SCML4: variants seen among roughly 807,000 people sequenced by gnomAD.
SCML4 encodes the protein Scm polycomb group protein like 4.
A neutral mutation model predicts 41.1 loss-of-function variants in SCML4; 34 were observed. That is an observed-to-expected ratio of 0.83 (90% CI 0.63 to 1.10). The LOEUF is 1.10. Among genes scored for constraint, SCML4 ranks in the 50% least tolerant of loss-of-function variants. SCML4 has a pLI of 0.00. For synonymous variants in SCML4, 214 were observed against 220.9 expected (o/e 0.97, Z 0.28); for missense variants, 522 against 534.1 (o/e 0.98, Z 0.22).
Position 107,803,676 on chromosome 6 carries a change from T to C in SCML4, c.-60+20450A>G, listed in dbSNP as rs966986288. Among the ~76,000 whole-genome samples, 18 of 147,388 alleles carry C rather than the reference T, an allele frequency of 1.2e-4. 1 individual carries two copies. Among genetic ancestry groups the C allele is most frequent in the East Asian group, 4.0e-4 (2 of 5,024 alleles). Reference sequence around the variant, plus strand: ...ATGTCTGTGTAGAAAGAGGTAGACATGGGAGACTTTTCATTTTGTTCTGTA... The same window carrying C: ...ATGTCTGTGTAGAAAGAGGTAGACACGGGAGACTTTTCATTTTGTTCTGTA... On this transcript the variant is annotated intron_variant, in intron 1 of 7. Coordinates refer to ENST00000369020, the MANE Select transcript of SCML4 (RefSeq NM_198081.5).
chr6:107,726,318 G>C (rs1319297060), intron 5 of SCML4, among the ~76,000 whole-genome samples: 1 of 151,868 alleles, frequency 6.6e-6, no homozygotes, highest in East Asian at 1.9e-4. Context: ...TGGATCATGA[G>C]GTCAGGAGAT....
At chr6:107,807,336 TC>T (rs1445685750) in intron 1 of SCML4, among the ~76,000 whole-genome samples, 1 of 152,152 alleles carries the variant, frequency 6.6e-6, no homozygotes, top group African/African-American at 2.4e-5. Flanking sequence ...CCAGGCATCT[TC>T]CTCCTCTCCT....
the SCML4 span, among the ~76,000 whole-genome samples, chr6:107,834,880 G>T: frequency 6.6e-6 from 1 of 151,330 alleles, no homozygotes. Context: ...CAAGGCTGCA[G>T]TGAGCTGTGA....
intron 1 of SCML4, among the ~76,000 whole-genome samples, chr6:107,803,884 T>C (rs1276253584): frequency 6.6e-6 from 1 of 151,266 alleles, no homozygotes; most frequent in African/African-American, 2.4e-5. Context: ...CACTCCCTAA[T>C]CTCAAGTACC....
At position 107,772,208 on chromosome 6, in the gene SCML4, C is replaced by T; in HGVS notation, c.120G>A (p.Lys40=). The T allele has an allele frequency of 6.4e-7, 1 of 1,551,406 alleles. No homozygotes were observed. The highest frequency in any genetic ancestry group is 1.2e-5 in the South Asian group (1 of 84,014). The part of the protein sequence containing the change: ...SASAGSLPAV[K]IPKKRGRKPG... ...GTTTCCGCCCTCTTTTCTTTGGGATCTTCACTGCTGGTAAAGAGCCAGCTG... is the reference window on the plus strand; with the variant it reads ...GTTTCCGCCCTCTTTTCTTTGGGATTTTCACTGCTGGTAAAGAGCCAGCTG... The change falls in exon 2 of 8, where the codon AAG becomes AAA. Residue 40 remains lysine, a synonymous_variant. Coordinates refer to ENST00000369020, the MANE Select transcript of SCML4 (RefSeq NM_198081.5).
At chr6:107,766,173 C>A (rs1332948238) in intron 2 of SCML4, among the ~76,000 whole-genome samples, 4 of 152,056 alleles carry the variant, frequency 2.6e-5, no homozygotes, top group Non-Finnish European at 5.9e-5. Flanking sequence ...AGTTCAAGAC[C>A]AGGCTGGTCA....
intron 2 of SCML4, among the ~76,000 whole-genome samples, chr6:107,753,909 A>G (rs1297700501): frequency 6.6e-6 from 1 of 152,180 alleles, no homozygotes; most frequent in South Asian, 2.1e-4. Context: ...AAAGGTTTGA[A>G]TGCTGGGGTG....
At chr6:107,840,746 C>T in the SCML4 span, among the ~76,000 whole-genome samples, 2 of 152,178 alleles carry the variant, frequency 1.3e-5, no homozygotes, top group South Asian at 2.1e-4. Context: ...TCACCAAAGT[C>T]CCATGGAGGT....
At chr6:107,825,681 C>T (rs976028932), upstream of SCML4, among the ~76,000 whole-genome samples, 1 of 152,114 alleles carries the variant, frequency 6.6e-6, no homozygotes, top group Non-Finnish European at 1.5e-5. Flanking sequence ...TGGCTCATGC[C>T]TGTAATCCCA....
chr6:107,770,099 A>T lies in SCML4; in HGVS notation c.156+2073T>A, dbSNP rs532947953. Reference sequence around the variant, plus strand: ...ACAATTTCTGAGCTGGCTTCTTCACAATTAAAGTCCTGTCATTAATGGTAA... The same window carrying T: ...ACAATTTCTGAGCTGGCTTCTTCACTATTAAAGTCCTGTCATTAATGGTAA... On this transcript the variant is annotated intron_variant, in intron 2 of 7. Transcript: ENST00000369020. 5.3e-5 allele frequency among the ~76,000 whole-genome samples: 8 copies of T among 152,270 alleles called. No homozygotes were observed. The South Asian group carries it at 1.7e-3, about 32-fold the overall frequency.
intron 1 of SCML4, among the ~76,000 whole-genome samples, chr6:107,818,463 A>G (rs991912283): frequency 6.6e-6 from 1 of 152,258 alleles, no homozygotes; most frequent in Admixed American, 6.5e-5. Context: ...TTCTCTTTGG[A>G]ATCAACAGCA....
intron 6 of SCML4, among the ~76,000 whole-genome samples, chr6:107,717,692 CG>C (rs1411921477): frequency 6.6e-6 from 1 of 152,146 alleles, no homozygotes; most frequent in Non-Finnish European, 1.5e-5. Context: ...GTATTACAGG[CG>C]TGCATCACGA....
At chr6:107,845,854 T>G in the SCML4 span, among the ~76,000 whole-genome samples, 14 of 152,354 alleles carry the variant, frequency 9.2e-5, no homozygotes, top group East Asian at 2.7e-3. Flanking sequence ...CCCTTGTTTC[T>G]TTCCTCGACA....
At chr6:107,719,386 G>C (rs1775145610) in intron 6 of SCML4, 1 of 152,396 alleles carries the variant, frequency 6.6e-6, no homozygotes, top group African/African-American at 2.4e-5. Context: ...GGAGGGTCTT[G>C]AATCATACAA....
At chr6:107,814,050 C>T (rs966690309) in intron 1 of SCML4, among the ~76,000 whole-genome samples, 1 of 152,340 alleles carries the variant, frequency 6.6e-6, no homozygotes, top group Middle Eastern at 3.4e-3. Context: ...AGTAGAGCTG[C>T]AAGGCTCCAT....
At chr6:107,809,717 C>T (rs1784017934) in intron 1 of SCML4, among the ~76,000 whole-genome samples, 1 of 152,078 alleles carries the variant, frequency 6.6e-6, no homozygotes, top group African/African-American at 2.4e-5. Context: ...GTTTTGGAAA[C>T]GTTGAGTTCA....
At chr6:107,799,572 C>T (rs1053545540) in intron 1 of SCML4, among the ~76,000 whole-genome samples, 1 of 152,144 alleles carries the variant, frequency 6.6e-6, no homozygotes, top group African/African-American at 2.4e-5. Flanking sequence ...TATTGATAGA[C>T]AATAGACTTG....
At chr6:107,787,031 G>C (rs1781950295) in intron 1 of SCML4, among the ~76,000 whole-genome samples, 1 of 152,190 alleles carries the variant, frequency 6.6e-6, no homozygotes, top group Non-Finnish European at 1.5e-5. Flanking sequence ...TTCCACCCCA[G>C]AGCTCTCTGC....
At chr6:107,729,271 G>A (rs1177253471) in intron 5 of SCML4, among the ~76,000 whole-genome samples, 1 of 152,190 alleles carries the variant, frequency 6.6e-6, no homozygotes, top group African/African-American at 2.4e-5. Context: ...GACTCTAGGG[G>A]AGAATCCCTC....
Sources: gnomAD v4.1 joint callset for allele counts (sites outside exome capture counted in the v4.1 genomes callset) on GRCh38, gnomAD v4.1.1 for gene constraint, MANE v1.5 for transcripts, NCBI Gene and HGNC (gene_info 2026-07-23, HGNC 2026-07-21) for gene names.